The following TIPIN variants were observed in gnomAD, a reference collection of about 807,000 sequenced individuals.
TIPIN encodes the protein TIMELESS interacting protein, also known as TIMELESS-interacting protein.
Under a neutral mutation model 35.6 loss-of-function variants are expected in TIPIN, and 29 were observed. The ratio of observed to expected loss-of-function variants is 0.82; its 90% CI spans 0.61 to 1.11. TIPIN has a LOEUF of 1.11. TIPIN is among the 50% of genes most tolerant of loss of function. TIPIN has a pLI of 0.00. For missense variants in TIPIN, 296 were observed against 345.4 expected (o/e 0.86, Z 1.13); for synonymous variants, 102 against 121.5 (o/e 0.84, Z 1.06).
intron 1 of TIPIN, among the ~76,000 whole-genome samples, chr15:66,368,749 A>C (rs1030402643): frequency 1.3e-5 from 2 of 152,186 alleles, no homozygotes; most frequent in African/African-American, 4.8e-5. Context: ...AAGGAAAAAT[A>C]ATCATATTAT....
chr15:66,361,985 G>A (rs993338952), intron 1 of TIPIN, among the ~76,000 whole-genome samples: 30 of 149,032 alleles, frequency 2.0e-4, no homozygotes, highest in Middle Eastern at 3.9e-3. Flanking sequence ...TCTCAAAAAA[G>A]GAAATAGAAA....
At chr15:66,353,917 G>A (rs1360180750) in intron 1 of TIPIN, among the ~76,000 whole-genome samples, 1 of 151,788 alleles carries the variant, frequency 6.6e-6, no homozygotes, top group Non-Finnish European at 1.5e-5. Flanking sequence ...TCAGGAGTTC[G>A]AGACCAGCCT....
chr15:66,369,879 T>C (rs2093271677), intron 1 of TIPIN, among the ~76,000 whole-genome samples: 1 of 152,166 alleles, frequency 6.6e-6, no homozygotes, highest in Admixed American at 6.5e-5. Flanking sequence ...TCATTCTCAT[T>C]TTAAATTTCC....
chr15:66,360,983 T>C (rs187890602), upstream of TIPIN, among the ~76,000 whole-genome samples: 13 of 151,868 alleles, frequency 8.6e-5, no homozygotes, highest in Admixed American at 3.9e-4. Context: ...TAAATAAGAA[T>C]TAGCTGGGCA....
chr15:66,341,954 G>C (rs992244317), intron 6 of TIPIN, among the ~76,000 whole-genome samples: 1 of 152,172 alleles, frequency 6.6e-6, no homozygotes, highest in Non-Finnish European at 1.5e-5. Flanking sequence ...GGGAAGCCGA[G>C]GCGGGTGGAT....
At chr15:66,377,125 A>AG (rs201628456) in intron 1 of TIPIN, among the ~76,000 whole-genome samples, 16 of 151,130 alleles carry the variant, frequency 1.1e-4, no homozygotes, top group Admixed American at 2.6e-4. Flanking sequence ...AAAAAAAAAA[A>AG]AGAGAGTGCA....
upstream of TIPIN, chr15:66,356,762 G>T (rs1344489937): frequency 3.1e-6 from 3 of 983,000 alleles, no homozygotes; most frequent in Non-Finnish European, 3.6e-6. Flanking sequence ...TCCGTGCGGG[G>T]GGCTGGGCGG....
chr15:66,379,553 T>C (rs2093310334), intron 1 of TIPIN: 19 of 1,610,794 alleles, frequency 1.2e-5, no homozygotes, highest in South Asian at 9.9e-5. Context: ...TGCGGATGTA[T>C]TTTTCACCCA....
intron 1 of TIPIN, among the ~76,000 whole-genome samples, chr15:66,354,346 T>C (rs2093189545): frequency 6.6e-6 from 1 of 152,202 alleles, no homozygotes. Flanking sequence ...TTCAGAAACC[T>C]ACAAGTCATC....
At chr15:66,362,532 C>G (rs1339927377) in intron 1 of TIPIN, among the ~76,000 whole-genome samples, 1 of 151,604 alleles carries the variant, frequency 6.6e-6, no homozygotes, top group Non-Finnish European at 1.5e-5. Context: ...ACCAGCCTGG[C>G]CAACATGGGG....
intron 1 of TIPIN, among the ~76,000 whole-genome samples, chr15:66,365,408 G>A (rs1022924183): frequency 1.3e-5 from 2 of 152,148 alleles, no homozygotes; most frequent in African/African-American, 2.4e-5. Flanking sequence ...GTCTAAAAAG[G>A]GGAGGAACCC....
chr15:66,339,131 C>CAAAA lies in TIPIN; in HGVS notation c.683-1954_683-1951dup, dbSNP rs35065958. On this transcript the variant is annotated intron_variant, in intron 7 of 7. Coordinates refer to ENST00000261881, the MANE Select transcript of TIPIN (RefSeq NM_017858.3). ...TGAGCTACAGAGCAAGACTCCATCT[C>CAAAA]AAAAAAAAAAAAAAAAAAAAAAAAA... Among the ~76,000 whole-genome samples, 8 of 20,584 alleles carry CAAAA rather than the reference C, an allele frequency of 3.9e-4. 1 individual carries two copies. The highest frequency in any genetic ancestry group is 8.5e-4 in the Admixed American group (1 of 1,170). 13.5% of individuals were successfully genotyped at this position (20,584 alleles called of 152,430 possible). A position where few individuals can be genotyped will look rare whatever the true frequency, so the allele number is the denominator to read the frequency against.
intron 1 of TIPIN, among the ~76,000 whole-genome samples, chr15:66,354,033 C>T (rs566824054): frequency 6.6e-6 from 1 of 152,222 alleles, no homozygotes; most frequent in South Asian, 2.1e-4. Flanking sequence ...TGAGGCTTTC[C>T]TCCCTTTCTG....
intron 1 of TIPIN, among the ~76,000 whole-genome samples, chr15:66,361,943 C>T (rs958184405): frequency 1.3e-5 from 2 of 152,072 alleles, no homozygotes; most frequent in African/African-American, 2.4e-5. Context: ...TGTGCCACTG[C>T]ACTCCAGCCT....
rs1566970488 is a variant in TIPIN at position 66,340,170 on chromosome 15, C to CTT, written c.682+979_682+980insAA. Among the ~76,000 whole-genome samples the CTT allele has an allele frequency of 3.5e-3, 401 of 113,764 alleles. 35 individuals carry two copies. Among genetic ancestry groups the CTT allele is most frequent in the African/African-American group, 0.014 (386 of 27,650 alleles). The allele number at this position is 113,764 out of a possible 152,430, so 74.6% of individuals were successfully genotyped here. A position where few individuals can be genotyped will look rare whatever the true frequency, so the allele number is the denominator to read the frequency against. On this transcript the variant is annotated intron_variant, in intron 7 of 7. Transcript: ENST00000261881. ...TACAGGCGTGAGCCACTGCGCCTGG[C>CTT]CTTTTTTTTTTTTTTTTTTTTTTTG...
chr15:66,359,613 T>C (rs2093222778), upstream of TIPIN, among the ~76,000 whole-genome samples: 1 of 152,130 alleles, frequency 6.6e-6, no homozygotes, highest in African/African-American at 2.4e-5. Flanking sequence ...CCTACCAAAG[T>C]GCTGGGATTA....
At chr15:66,353,477 G>A (rs545674756) in intron 1 of TIPIN, among the ~76,000 whole-genome samples, 3 of 151,974 alleles carry the variant, frequency 2.0e-5, no homozygotes, top group East Asian at 3.9e-4. Context: ...TTATCCAGGC[G>A]TGGTGGCGGG....
chr15:66,347,246 C>G (rs751147007), intron 6 of TIPIN: 1 of 518,618 alleles, frequency 1.9e-6, no homozygotes, highest in Non-Finnish European at 3.8e-6. Context: ...GATAACTATA[C>G]AGACCCTGTC....
At chr15:66,356,734 G>A, upstream of TIPIN, 1 of 985,408 alleles carries the variant, frequency 1.0e-6, no homozygotes, top group Non-Finnish European at 1.2e-6. Flanking sequence ...AGAAGGGCCC[G>A]CAGCGTTTGG....
Sources: allele counts gnomAD v4.1 joint callset (sites outside exome capture counted in the v4.1 genomes callset), GRCh38; gene constraint gnomAD v4.1.1; transcripts MANE v1.5; gene names NCBI Gene and HGNC (gene_info 2026-07-23, HGNC 2026-07-21).